The following PRR14L variants were observed in gnomAD, a reference collection of about 807,000 sequenced individuals.
PRR14L encodes protein PRR14L.
In PRR14L, 80 loss-of-function variants were observed where a neutral mutation model predicts 155.0. That is an observed-to-expected ratio of 0.52 (90% CI 0.43 to 0.62). The LOEUF (loss-of-function observed/expected upper bound fraction) is 0.62. PRR14L is among the 20% of genes least tolerant of loss of function. The probability of loss-of-function intolerance (pLI) is 0.00; values close to 1 mark genes in which losing one functional copy is unlikely to be tolerated. For missense variants in PRR14L, 2,469 were observed against 2,548.0 expected, an observed-to-expected ratio of 0.97 and a Z score of 0.67; for synonymous variants, 883 against 916.0, an observed-to-expected ratio of 0.96 and a Z score of 0.65.
chr22:31,727,908 G>A (rs1374632564), intron 2 of PRR14L, among the ~76,000 whole-genome samples: 4 of 151,860 alleles, frequency 2.6e-5, no homozygotes, highest in Admixed American at 6.6e-5. Flanking sequence ...CTTGAACCCA[G>A]GAGGAGGCTG....
In PRR14L at chr22:31,712,680, G is replaced by A. The variant is rs745617942; in HGVS notation, c.5159C>T (p.Ser1720Phe). The change falls in exon 4 of 9, where the codon TCC becomes TTC. Residue 1720 changes from serine to phenylalanine, a missense_variant. Ser to Phe is a radical substitution (Grantham distance 155, BLOSUM62 -2). This residue lies in a region of PRR14L where 2,363 missense variants were observed against 2,371.6 expected (regional missense o/e 1.00). Coordinates refer to ENST00000327423, the MANE Select transcript of PRR14L (RefSeq NM_173566.3). ...TGAGCTGGATGATTTCACATGAAAG[G>A]ATACTGGGAAGATTTCAGAACCAAA... ...LLFGSEIFPV[S>F]FHVKSSSSDC... 64 of 1,551,660 alleles carry A rather than the reference G, an allele frequency of 4.1e-5. No homozygotes were observed. Among genetic ancestry groups the A allele is most frequent in the Non-Finnish European group, 2.5e-5 (29 of 1,147,020 alleles).
chr22:31,733,208 C>T (rs1018906135), intron 2 of PRR14L, among the ~76,000 whole-genome samples: 1 of 151,482 alleles, frequency 6.6e-6, no homozygotes, highest in Non-Finnish European at 1.5e-5. Flanking sequence ...AGGCTGGTCT[C>T]GAACTCCTGA....
intron 3 of PRR14L, among the ~76,000 whole-genome samples, chr22:31,720,011 T>C (rs906540871): frequency 6.6e-6 from 1 of 152,172 alleles, no homozygotes; most frequent in African/African-American, 2.4e-5. Flanking sequence ...GCTGGGATTA[T>C]GGGTGTGACT....
At chr22:31,742,202 T>A (rs984904977) in intron 1 of PRR14L, among the ~76,000 whole-genome samples, 1 of 152,182 alleles carries the variant, frequency 6.6e-6, no homozygotes, top group Non-Finnish European at 1.5e-5. Context: ...TCGAAGGAGA[T>A]GGGCTCCTTG....
Position 31,714,098 on chromosome 22 carries a change from T to C in PRR14L, c.3741A>G (p.Ser1247=). 2 of 1,550,056 alleles carry C rather than the reference T, an allele frequency of 1.3e-6. No homozygotes were observed. The highest frequency in any genetic ancestry group is 1.7e-6 in the Non-Finnish European group (2 of 1,146,654). Residue 1247 remains serine (S), a synonymous_variant, in exon 4 of 9, where the codon TCA becomes TCG. Coordinates refer to ENST00000327423, the MANE Select transcript of PRR14L (RefSeq NM_173566.3). ...SIEIMPSQEN[S]ETNVNSEETD... Reference sequence around the variant, plus strand: ...TTTCTTCACTGTTAACATTAGTTTCTGAATTTTCTTGAGAAGGCATTATTT... The same window carrying C: ...TTTCTTCACTGTTAACATTAGTTTCCGAATTTTCTTGAGAAGGCATTATTT...
chr22:31,707,123 T>C (rs2074596411), intron 4 of PRR14L, among the ~76,000 whole-genome samples: 1 of 152,032 alleles, frequency 6.6e-6, no homozygotes, highest in Non-Finnish European at 1.5e-5. Context: ...TGTTAAGGTA[T>C]TTTTAGAGCC....
chr22:31,732,620 T>C (rs754996455), intron 2 of PRR14L, among the ~76,000 whole-genome samples: 12 of 152,246 alleles, frequency 7.9e-5, no homozygotes, highest in Non-Finnish European at 1.6e-4. Flanking sequence ...AAGCTTGCAC[T>C]GGATTTCCTC....
rs1162819822 is a variant in PRR14L, at chr22:31,733,298, G to GTTTTTTTTTT, written c.474+5079_474+5088dup. 5.2e-4 allele frequency among the ~76,000 whole-genome samples: 33 copies of GTTTTTTTTTT among 64,068 alleles called. 2 individuals carry two copies. The highest frequency in any genetic ancestry group is 0.016 in the Middle Eastern group (1 of 64). 42.0% of individuals were successfully genotyped at this position (64,068 alleles called of 152,430 possible). On this transcript the variant is annotated intron_variant, in intron 2 of 8. Transcript: ENST00000327423. The stretch of plus-strand genomic sequence containing the variant: ...GTGTGAGCCACCGCGCCTGGCCACT[G>GTTTTTTTTTT]TTTTTTTTTTTTTTTTTTTTTTTTG...
At chr22:31,701,512 C>T (rs1049245449) in intron 7 of PRR14L, 144 bp downstream of exon 7, 20 of 554,714 alleles carry the variant, frequency 3.6e-5, no homozygotes, top group Admixed American at 7.0e-5. Flanking sequence ...AAATATCTAG[C>T]GACATTACTA....
At position 31,713,523 on chromosome 22, in the gene PRR14L, T is replaced by C. The variant is rs779689352; in HGVS notation, c.4316A>G (p.Asp1439Gly). The stretch of plus-strand genomic sequence containing the variant: ...GATTTCATTGATCATGGTGGACTCA[T>C]CTTTGTCAGCCTTCGGTTGGTTCTG... ...QNQNQPKADK[D>G]ESTMINEITL... Residue 1439 changes from aspartate (D) to glycine (G), a missense_variant, in exon 4 of 9, where the codon GAT (aspartate) becomes GGT (glycine). Asp to Gly is a moderately conservative substitution (Grantham distance 94). Coordinates refer to ENST00000327423, the MANE Select transcript of PRR14L (RefSeq NM_173566.3). 3.5e-5 allele frequency: 55 copies of C among 1,552,188 alleles called. No homozygotes were observed. In the South Asian group the frequency reaches 6.1e-4, roughly 17 times the overall value.
At chr22:31,686,354 C>T (rs181568772) in intron 8 of PRR14L, among the ~76,000 whole-genome samples, 15 of 151,636 alleles carry the variant, frequency 9.9e-5, no homozygotes, top group Admixed American at 3.3e-4. Flanking sequence ...ATGATTCGCC[C>T]GCCTCGGCTT....
At position 31,713,178 on chromosome 22, in the gene PRR14L, G is replaced by A; in HGVS notation, c.4661C>T (p.Ser1554Phe). ...IRSSAFLKSSSNPIPTKAHRL... is the reference protein window; with the variant it reads ...IRSSAFLKSSFNPIPTKAHRL... The stretch of plus-strand genomic sequence containing the variant: ...GTGCGCTTTTGTGGGGATGGGATTG[G>A]AAGAACTCTTTAAAAAGGCAGAACT... Residue 1554 changes from serine to phenylalanine, a missense_variant, in exon 4 of 9, where the codon TCC (serine) becomes TTC (phenylalanine). Ser to Phe is a radical substitution (Grantham distance 155). Transcript: ENST00000327423. 2 of 1,551,926 alleles carry A rather than the reference G, an allele frequency of 1.3e-6. No individual in the cohort carries two copies. The highest frequency in any genetic ancestry group is 1.7e-6 in the Non-Finnish European group (2 of 1,147,040).
chr22:31,722,636 C>T (rs949829743), intron 3 of PRR14L, among the ~76,000 whole-genome samples: 22 of 151,584 alleles, frequency 1.5e-4, no homozygotes, highest in African/African-American at 4.6e-4. Flanking sequence ...CATTCTCTCG[C>T]CTCAGCCTCC....
chr22:31,744,476 T>C (rs2074827760), intron 1 of PRR14L, among the ~76,000 whole-genome samples: 1 of 152,096 alleles, frequency 6.6e-6, no homozygotes, highest in South Asian at 2.1e-4. Flanking sequence ...CTTGTTATGT[T>C]GCCCAGGCTG....
In PRR14L at chr22:31,724,880, T is replaced by C. The variant is rs117570228; in HGVS notation, c.547+658A>G. Among the ~76,000 whole-genome samples, 603 of 152,218 alleles carry C rather than the reference T, an allele frequency of 4.0e-3. 7 individuals carry two copies. Among genetic ancestry groups the C allele is most frequent in the Non-Finnish European group, 4.6e-3 (313 of 68,010 alleles). ...CAGAACTCTATACCCAACCATTGTTTTGAGGAGCAAAAAGAGGTAATCAAA... is the reference window on the plus strand; with the variant it reads ...CAGAACTCTATACCCAACCATTGTTCTGAGGAGCAAAAAGAGGTAATCAAA... On this transcript the variant is annotated intron_variant, in intron 3 of 8. Coordinates refer to ENST00000327423, the MANE Select transcript of PRR14L (RefSeq NM_173566.3).
intron 7 of PRR14L, among the ~76,000 whole-genome samples, chr22:31,696,431 G>A (rs868154766): frequency 5.9e-5 from 9 of 151,884 alleles, no homozygotes; most frequent in African/African-American, 1.9e-4. Flanking sequence ...GAGCCAACGC[G>A]CCTCGCCTTA....
At chr22:31,696,710 A>AAAAGGGC (rs2074536484) in intron 7 of PRR14L, among the ~76,000 whole-genome samples, 1 of 152,222 alleles carries the variant, frequency 6.6e-6, no homozygotes, top group South Asian at 2.1e-4. Flanking sequence ...CAAAACACTC[A>AAAAGGGC]TTTTGCTAAG....
At chr22:31,730,018 A>T (rs1011341800) in intron 2 of PRR14L, among the ~76,000 whole-genome samples, 3 of 151,818 alleles carry the variant, frequency 2.0e-5, no homozygotes, top group Non-Finnish European at 4.4e-5. Context: ...ATGGTGTTGC[A>T]TGTCTGTAGT....
intron 2 of PRR14L, among the ~76,000 whole-genome samples, chr22:31,737,254 T>G (rs1323722777): frequency 6.6e-6 from 1 of 151,210 alleles, no homozygotes; most frequent in Admixed American, 6.6e-5. Flanking sequence ...GCCAAGACGG[T>G]CGGATCACCT....
Sources: gnomAD v4.1 joint callset for allele counts (sites outside exome capture counted in the v4.1 genomes callset) on GRCh38, gnomAD v4.1.1 for gene constraint, gnomAD v4.1.1 regional missense constraint, MANE v1.5 for transcripts, NCBI Gene and HGNC (gene_info 2026-07-23, HGNC 2026-07-21) for gene names.